Variants in ASB7 observed in about 807,000 individuals in gnomAD.
The protein encoded by ASB7 is ankyrin repeat and SOCS box containing 7.
Under a neutral mutation model 32.5 loss-of-function variants are expected in ASB7, and 4 were observed. The observed-to-expected ratio is 0.12, with a 90% CI of 0.06 to 0.28. The LOEUF (loss-of-function observed/expected upper bound fraction) is 0.28. ASB7 is among the 10% of genes least tolerant of loss of function. ASB7 has a pLI of 1.00. For synonymous variants in ASB7, 172 were observed against 155.6 expected, an observed-to-expected ratio of 1.11 and a Z score of -0.78; for missense variants, 181 against 407.1, an observed-to-expected ratio of 0.44 and a Z score of 4.78.
chr15:100,622,110 T>C (rs1271208041), intron 4 of ASB7, among the ~76,000 whole-genome samples: 2 of 151,266 alleles, frequency 1.3e-5, no homozygotes, highest in Non-Finnish European at 2.9e-5. Context: ...GGATACAAAA[T>C]CAACATACAA....
intron 4 of ASB7, among the ~76,000 whole-genome samples, chr15:100,619,928 T>A (rs918333469): frequency 1.3e-5 from 2 of 152,250 alleles, no homozygotes; most frequent in Non-Finnish European, 2.9e-5. Context: ...GCTCTCTTTC[T>A]AGTTTAATCT....
At chr15:100,617,704 C>T (rs555939189) in intron 4 of ASB7, among the ~76,000 whole-genome samples, 17 of 152,304 alleles carry the variant, frequency 1.1e-4, no homozygotes, top group Non-Finnish European at 2.5e-4. Flanking sequence ...TTTATTATTA[C>T]AGCTATCATA....
chr15:100,635,495 C>G (rs1335555681), intron 5 of ASB7, among the ~76,000 whole-genome samples: 1 of 152,148 alleles, frequency 6.6e-6, no homozygotes, highest in Non-Finnish European at 1.5e-5. Context: ...GTGAATTGGG[C>G]TGTGAGTCAT....
Position 100,609,371 on chromosome 15 carries a change from G to C in ASB7, c.-173-336G>C, listed in dbSNP as rs543968385. ...ATGGTGTCGGTTAAAAAGTAATTCA[G>C]ATAAAGCAAGTCTGAAACTGTATTC... On this transcript the variant is annotated intron_variant, in intron 2 of 5. Coordinates refer to ENST00000332783, the MANE Select transcript of ASB7 (RefSeq NM_198243.3). 9.2e-5 allele frequency among the ~76,000 whole-genome samples: 14 copies of C among 152,298 alleles called. 1 individual carries two copies. The South Asian group carries it at 2.7e-3, about 29-fold the overall frequency.
intron 5 of ASB7, among the ~76,000 whole-genome samples, chr15:100,632,210 C>T (rs1184276399): frequency 6.6e-6 from 1 of 152,186 alleles, no homozygotes; most frequent in Admixed American, 6.5e-5. Context: ...AGGAGCAGAG[C>T]TGTGCGCCTA....
intron 2 of ASB7, 49 bp from the exon 3 acceptor site, chr15:100,609,658 T>A (rs1266425471): frequency 6.6e-6 from 1 of 152,218 alleles, no homozygotes; most frequent in Non-Finnish European, 1.5e-5. Flanking sequence ...CAGCTATGAT[T>A]ATTATTTTAA....
At chr15:100,603,876 C>A (rs28551627) in intron 2 of ASB7, among the ~76,000 whole-genome samples, 3,124 of 152,242 alleles carry the variant, frequency 0.021, 95 homozygotes, top group African/African-American at 0.07. Context: ...AGAAAGCCAA[C>A]CTGTGTACCT....
chr15:100,619,950 G>C (rs1436650917), intron 4 of ASB7, among the ~76,000 whole-genome samples: 1 of 152,208 alleles, frequency 6.6e-6, no homozygotes, highest in Non-Finnish European at 1.5e-5. Flanking sequence ...AGCCTGTGCT[G>C]TCCATAGCAG....
At chr15:100,614,921 C>G (rs183773902) in intron 4 of ASB7, among the ~76,000 whole-genome samples, 3 of 152,226 alleles carry the variant, frequency 2.0e-5, no homozygotes, top group African/African-American at 7.2e-5. Flanking sequence ...TATCTAGTTA[C>G]GTGCAGCATA....
rs149252713 is a variant in ASB7, at chr15:100,608,400, A to G, written c.-173-1307A>G. Among the ~76,000 whole-genome samples, 1,107 of 152,222 alleles carry G rather than the reference A, an allele frequency of 7.3e-3. 6 individuals are homozygous for G. Among genetic ancestry groups the G allele is most frequent in the Middle Eastern group, 0.017 (5 of 294 alleles). ...ACAACAGATGTGTTTCTCCCCCTTT[A>G]TTTATCGAATCAGTTATTTGTATCA... On this transcript the variant is annotated intron_variant, in intron 2 of 5. Coordinates refer to ENST00000332783, the MANE Select transcript of ASB7 (RefSeq NM_198243.3).
chr15:100,631,683 T>G (rs538798878), intron 5 of ASB7, among the ~76,000 whole-genome samples: 1 of 152,340 alleles, frequency 6.6e-6, no homozygotes, highest in South Asian at 2.1e-4. Flanking sequence ...CTTAACTCTA[T>G]CCCATGTTAG....
At position 100,645,428 on chromosome 15, in the gene ASB7, C is replaced by G. The variant is rs531156150; in HGVS notation, c.818-2895C>G. 1.5e-5 allele frequency: 5 copies of G among 328,710 alleles called. No individual in the cohort carries two copies. In the South Asian group the frequency reaches 1.6e-4, roughly 11 times the overall value. The allele number at this position is 328,710 out of a possible 1,614,324, so 20.4% of individuals were successfully genotyped here. ...ATCAAATTATCATTCGAGTTCATGC[C>G]CCCCGGAATATCTGTAGGAATACAG... is the stretch of plus-strand genomic sequence containing the variant. On this transcript the variant is annotated intron_variant, in intron 5 of 5. Coordinates refer to ENST00000332783, the MANE Select transcript of ASB7 (RefSeq NM_198243.3).
intron 2 of ASB7, among the ~76,000 whole-genome samples, chr15:100,607,740 G>C (rs1428220367): frequency 6.6e-6 from 1 of 152,180 alleles, no homozygotes; most frequent in East Asian, 1.9e-4. Context: ...CCCTATCACT[G>C]TGCCACGTTA....
At chr15:100,632,617 G>A (rs1490464391) in intron 5 of ASB7, among the ~76,000 whole-genome samples, 2 of 152,070 alleles carry the variant, frequency 1.3e-5, no homozygotes, top group African/African-American at 2.4e-5. Flanking sequence ...TGTGGGCACC[G>A]CAGCCCCAGG....
At chr15:100,630,110 T>A in intron 5 of ASB7, 68 bp downstream of exon 5, 1 of 1,434,692 alleles carries the variant, frequency 7.0e-7, no homozygotes, top group Non-Finnish European at 9.2e-7. Flanking sequence ...GCTTAATGTG[T>A]TTTTGCAACT....
At chr15:100,645,581 G>A in intron 5 of ASB7, 2 of 712,202 alleles carry the variant, frequency 2.8e-6, no homozygotes, top group Non-Finnish European at 5.3e-6. Context: ...CAGCTTGACG[G>A]TGTTATATAA....
intron 4 of ASB7, among the ~76,000 whole-genome samples, chr15:100,624,027 G>T (rs920478523): frequency 1.3e-5 from 2 of 152,184 alleles, no homozygotes; most frequent in Admixed American, 6.5e-5. Context: ...AGATGACGAG[G>T]TCATCATGTG....
At chr15:100,637,217 C>T (rs1432784693) in intron 5 of ASB7, among the ~76,000 whole-genome samples, 1 of 152,180 alleles carries the variant, frequency 6.6e-6, no homozygotes, top group Non-Finnish European at 1.5e-5. Flanking sequence ...TTTCATGGGA[C>T]ACCATCTTTA....
intron 5 of ASB7, among the ~76,000 whole-genome samples, chr15:100,633,857 A>C (rs973445691): frequency 6.6e-6 from 1 of 152,190 alleles, no homozygotes; most frequent in African/African-American, 2.4e-5. Flanking sequence ...TCGTGCACAC[A>C]AAGTGGAATA....
Sources: gnomAD v4.1 joint callset for allele counts (sites outside exome capture counted in the v4.1 genomes callset) on GRCh38, gnomAD v4.1.1 for gene constraint, MANE v1.5 for transcripts, NCBI Gene and HGNC (gene_info 2026-07-23, HGNC 2026-07-21) for gene names.